Variants in ADGRE1 observed in about 807,000 individuals in gnomAD.
ADGRE1 encodes EGF-like module receptor 1.
Under a neutral mutation model 102.7 loss-of-function variants are expected in ADGRE1, and 82 were observed. The observed-to-expected ratio is 0.80, with a 90% confidence interval of 0.67 to 0.96. The LOEUF is 0.96. Ranked by LOEUF, ADGRE1 falls within the 40% of genes least tolerant of loss-of-function variation. The probability of loss-of-function intolerance (pLI) is 0.00; values close to 1 mark genes in which losing one functional copy is unlikely to be tolerated. For synonymous variants in ADGRE1, 398 were observed against 399.6 expected, an observed-to-expected ratio of 1.00 and a Z score of 0.05; for missense variants, 1,032 against 1,085.3, an observed-to-expected ratio of 0.95 and a Z score of 0.69.
At chr19:6,910,588 T>C (rs1251812963) in intron 10 of ADGRE1, among the ~76,000 whole-genome samples, 2 of 148,970 alleles carry the variant, frequency 1.3e-5, no homozygotes, top group African/African-American at 4.9e-5. Context: ...TTTTTTTTTT[T>C]TGAGATGGAG....
intron 19 of ADGRE1, 29 bp downstream of exon 19, chr19:6,937,440 C>CA: frequency 6.3e-7 from 1 of 1,576,056 alleles, no homozygotes; most frequent in Non-Finnish European, 8.6e-7. Flanking sequence ...CCCCATCCCC[C>CA]TCCTCCCATC....
rs200617857 is a variant in ADGRE1 at position 6,921,889 on chromosome 19, T to C, written c.1791+6T>C. On this transcript the variant is annotated splice_donor_region_variant and intron_variant, in intron 14 of 20. Transcript: ENST00000312053. Reference sequence around the variant, plus strand: ...TGGCGTCTGGGGAGCTCACGGTCAGTACTGATGATTTGTTCCCTGAGGCAG... The same window carrying C: ...TGGCGTCTGGGGAGCTCACGGTCAGCACTGATGATTTGTTCCCTGAGGCAG... 4.7e-5 allele frequency: 75 copies of C among 1,596,796 alleles called. No homozygotes were observed. The highest frequency in any genetic ancestry group is 1.4e-4 in the Admixed American group (8 of 56,764).
chr19:6,892,011 C>T (rs1973395847), intron 2 of ADGRE1, among the ~76,000 whole-genome samples: 1 of 151,978 alleles, frequency 6.6e-6, no homozygotes. Flanking sequence ...GGTACCTAGT[C>T]CCACAAGACC....
At chr19:6,891,517 G>A (rs969952480) in intron 2 of ADGRE1, among the ~76,000 whole-genome samples, 1 of 150,814 alleles carries the variant, frequency 6.6e-6, no homozygotes, top group Non-Finnish European at 1.5e-5. Context: ...GCAGTGGTGC[G>A]ATCTCGGTTC....
intron 12 of ADGRE1, among the ~76,000 whole-genome samples, chr19:6,917,766 G>T (rs554439327): frequency 1.3e-5 from 2 of 151,760 alleles, no homozygotes; most frequent in African/African-American, 2.4e-5. Context: ...AGAATTGAGG[G>T]TGTTGCATCC....
chr19:6,902,519 C>T (rs1973806186), intron 6 of ADGRE1, among the ~76,000 whole-genome samples: 1 of 151,986 alleles, frequency 6.6e-6, no homozygotes, highest in Non-Finnish European at 1.5e-5. Flanking sequence ...CGGCTCACTG[C>T]AACCTCCCCC....
chr19:6,919,482 TG>T, intron 12 of ADGRE1, 65 bp from the exon 13 acceptor site: 3 of 924,034 alleles, frequency 3.2e-6, no homozygotes, highest in South Asian at 1.4e-5. Flanking sequence ...GTGTGTGTGT[TG>T]GGTCTTCTAT....
rs752487413 is a variant in ADGRE1 at position 6,897,449 on chromosome 19, G to T, written c.416G>T (p.Ser139Ile). ...TCAGATATCAATGAGTGCCTCACCAGCAGCGTCTGCCCTGAGCATTCTGAC... is the reference window on the plus strand; with the variant it reads ...TCAGATATCAATGAGTGCCTCACCATCAGCGTCTGCCCTGAGCATTCTGAC... ...SCTDINECLT[S>I]SVCPEHSDCV... The change falls in exon 5 of 21, where the codon AGC becomes ATC. Residue 139 changes from serine (S) to isoleucine (I), a missense_variant. By Grantham distance (142) the Ser-to-Ile change is moderately radical (BLOSUM62 -2). Coordinates refer to ENST00000312053, the MANE Select transcript of ADGRE1 (RefSeq NM_001974.5). The T allele has an allele frequency of 6.3e-6, 10 of 1,596,922 alleles. No individual in the cohort carries two copies. The highest frequency in any genetic ancestry group is 8.5e-6 in the Non-Finnish European group (10 of 1,171,794).
At chr19:6,911,486 C>T (rs900148602) in intron 10 of ADGRE1, among the ~76,000 whole-genome samples, 1 of 137,066 alleles carries the variant, frequency 7.3e-6, no homozygotes, top group Non-Finnish European at 1.5e-5. Context: ...ATTACTATTA[C>T]TATTGTTGTT....
chr19:6,916,206 C>T lies in ADGRE1; in HGVS notation c.1301-43C>T, dbSNP rs558440860. ...GGACAGAAACCAAATTCAGGACTGA[C>T]TTTCTGGGTGACCTCATACGAACTC... On this transcript the variant is annotated intron_variant, in intron 11 of 20. Coordinates refer to ENST00000312053, the MANE Select transcript of ADGRE1 (RefSeq NM_001974.5). The T allele has an allele frequency of 2.5e-6, 4 of 1,593,416 alleles. No homozygotes were observed. In the African/African-American group the frequency reaches 4.0e-5, roughly 16 times the overall value.
At position 6,926,528 on chromosome 19, in the gene ADGRE1, G is replaced by C; in HGVS notation, c.2149G>C (p.Gly717Arg). The change falls in exon 16 of 21, where the codon GGT becomes CGT. Residue 717 changes from glycine to arginine, a missense_variant. Gly to Arg is a moderately radical substitution (Grantham distance 125). Coordinates refer to ENST00000312053, the MANE Select transcript of ADGRE1 (RefSeq NM_001974.5). ...NIKMLHICAF[G>R]YGLPMLVVVI... is the part of the protein sequence containing the mutation. ...CAAGATGCTGCACATCTGTGCCTTTGGTTATGGGCTGCCGATGCTGGTGGT... is the reference window on the plus strand; with the variant it reads ...CAAGATGCTGCACATCTGTGCCTTTCGTTATGGGCTGCCGATGCTGGTGGT... 6.2e-7 allele frequency: 1 copy of C among 1,614,236 alleles called. No homozygotes were observed.
chr19:6,908,371 T>C (rs1344195983), intron 9 of ADGRE1, among the ~76,000 whole-genome samples: 2 of 152,228 alleles, frequency 1.3e-5, no homozygotes, highest in Non-Finnish European at 2.9e-5. Context: ...ACTTCACACC[T>C]CTATATTCCT....
chr19:6,902,705 C>T (rs1453789338), intron 6 of ADGRE1, among the ~76,000 whole-genome samples: 1 of 150,794 alleles, frequency 6.6e-6, no homozygotes, highest in Admixed American at 6.6e-5. Flanking sequence ...CTTCTCAAAG[C>T]GTTTGGATTA....
chr19:6,902,198 TATTCTAGGCACTGGGG>T (rs1160693878), intron 6 of ADGRE1, among the ~76,000 whole-genome samples, 177 bp downstream of exon 6: 1 of 152,176 alleles, frequency 6.6e-6, no homozygotes, highest in Non-Finnish European at 1.5e-5. Flanking sequence ...TACGTGGCAC[TATTCTAGGCACTGGGG>T]ATAGAGCAGT....
intron 1 of ADGRE1, among the ~76,000 whole-genome samples, chr19:6,887,993 C>T (rs1293829240): frequency 6.6e-6 from 1 of 152,182 alleles, no homozygotes; most frequent in Non-Finnish European, 1.5e-5. Flanking sequence ...ATGATCATAG[C>T]CCACTTAGCA....
rs577853320 is a variant in ADGRE1, at chr19:6,903,843, A to G, written c.695A>G (p.Asn232Ser). Residue 232 changes from asparagine (N) to serine (S), a missense_variant, in exon 7 of 21, where the codon AAT becomes AGT. By Grantham distance (46) the Asn-to-Ser change is conservative. Transcript: ENST00000312053. ...IDECTEMCPI[N>S]STCTNTPGSY... is the part of the protein sequence containing the mutation. ...GAATGCACTGAAATGTGCCCCATCA[A>G]TTCAACATGCACCAACACTCCTGGG... 25 of 1,614,194 alleles carry G rather than the reference A, an allele frequency of 1.5e-5. No homozygotes were observed. Among genetic ancestry groups the G allele is most frequent in the Non-Finnish European group, 2.1e-5 (25 of 1,180,022 alleles).
chr19:6,910,765 G>A (rs1485523236), intron 10 of ADGRE1, among the ~76,000 whole-genome samples: 1 of 151,760 alleles, frequency 6.6e-6, no homozygotes, highest in Non-Finnish European at 1.5e-5. Context: ...TAGAGACGGG[G>A]TTTCACCATG....
At chr19:6,920,386 A>AT (rs1264429886) in intron 13 of ADGRE1, among the ~76,000 whole-genome samples, 4 of 150,690 alleles carry the variant, frequency 2.7e-5, no homozygotes, top group Non-Finnish European at 4.4e-5. Context: ...TGACCGGCTA[A>AT]TTTTTTGTAT....
intron 15 of ADGRE1, among the ~76,000 whole-genome samples, chr19:6,925,999 G>A (rs1203141477): frequency 6.6e-6 from 1 of 152,144 alleles, no homozygotes; most frequent in Non-Finnish European, 1.5e-5. Context: ...CACCCAGCCA[G>A]TAAAACTTTA....
Sources: allele counts gnomAD v4.1 joint callset (sites outside exome capture counted in the v4.1 genomes callset), GRCh38; gene constraint gnomAD v4.1.1; transcripts MANE v1.5; gene names NCBI Gene and HGNC (gene_info 2026-07-23, HGNC 2026-07-21).